Variants in SORCS1 observed in about 807,000 individuals in gnomAD.
SORCS1 encodes the protein VPS10 domain-containing receptor SorCS1.
Under a neutral mutation model 146.1 loss-of-function variants are expected in SORCS1, and 60 were observed. The observed-to-expected ratio is 0.41, with a 90% CI of 0.33 to 0.51. SORCS1 has a LOEUF of 0.51. SORCS1 is among the 20% of genes least tolerant of loss of function. The probability of loss-of-function intolerance (pLI) is 0.21; values close to 1 mark genes in which losing one functional copy is unlikely to be tolerated. For missense variants in SORCS1, 1,352 were observed against 1,487.6 expected, an observed-to-expected ratio of 0.91 and a Z score of 1.50; for synonymous variants, 637 against 584.0, an observed-to-expected ratio of 1.09 and a Z score of -1.31.
At chr10:106,850,529 C>G (rs1296364190) in intron 2 of SORCS1, among the ~76,000 whole-genome samples, 4 of 152,078 alleles carry the variant, frequency 2.6e-5, no homozygotes, top group Non-Finnish European at 4.4e-5. Flanking sequence ...GATGGAAATG[C>G]AGAAATCACC....
intron 3 of SORCS1, among the ~76,000 whole-genome samples, chr10:106,809,311 G>A (rs1396929642): frequency 6.6e-6 from 1 of 152,098 alleles, no homozygotes; most frequent in African/African-American, 2.4e-5. Flanking sequence ...CTTGGCACAG[G>A]GACAGAAGAT....
intron 2 of SORCS1, among the ~76,000 whole-genome samples, chr10:106,872,016 A>G (rs1175811140): frequency 6.6e-6 from 1 of 152,264 alleles, no homozygotes; most frequent in Non-Finnish European, 1.5e-5. Context: ...AATGAAACAA[A>G]TAAAGAAAAT....
chr10:106,712,030 T>C (rs2135861700), intron 6 of SORCS1, among the ~76,000 whole-genome samples: 1 of 152,322 alleles, frequency 6.6e-6, no homozygotes, highest in Admixed American at 6.5e-5. Context: ...TCTTCCTGAG[T>C]CTTGCTGTTA....
intron 2 of SORCS1, among the ~76,000 whole-genome samples, chr10:106,840,861 ATAT>A (rs1386887031): frequency 0.029 from 3,551 of 121,638 alleles, 95 homozygotes; most frequent in East Asian, 0.1. Flanking sequence ...ATATATATAT[ATAT>A]TTTTTTTTTT....
intron 1 of SORCS1, among the ~76,000 whole-genome samples, chr10:106,979,036 T>C (rs1310097423): frequency 6.6e-6 from 1 of 152,114 alleles, no homozygotes; most frequent in East Asian, 1.9e-4. Context: ...AGAGAAGACA[T>C]TTAAGAGTCT....
intron 1 of SORCS1, among the ~76,000 whole-genome samples, chr10:107,084,188 T>G (rs1963579497): frequency 7.0e-6 from 1 of 142,350 alleles, no homozygotes; most frequent in African/African-American, 2.6e-5. Context: ...CTCTGCCTCC[T>G]GGGTTCACGC....
intron 1 of SORCS1, among the ~76,000 whole-genome samples, chr10:107,124,878 T>A (rs1306384004): frequency 6.6e-6 from 1 of 151,902 alleles, no homozygotes; most frequent in South Asian, 2.1e-4. Context: ...GTCAGCAAAA[T>A]GCAATTGTGG....
chr10:106,684,163 C>G (rs571750937), intron 10 of SORCS1, among the ~76,000 whole-genome samples: 1 of 152,148 alleles, frequency 6.6e-6, no homozygotes, highest in South Asian at 2.1e-4. Context: ...CATGGTGAAA[C>G]CCTGTCTCTA....
chr10:107,067,247 A>T (rs141885558), intron 1 of SORCS1, among the ~76,000 whole-genome samples: 11 of 151,750 alleles, frequency 7.2e-5, no homozygotes, highest in African/African-American at 1.5e-4. Flanking sequence ...GTTTCCCTGG[A>T]TTCAAATCCA....
intron 5 of SORCS1, among the ~76,000 whole-genome samples, chr10:106,740,150 A>G (rs1274977325): frequency 1.3e-5 from 2 of 152,192 alleles, no homozygotes; most frequent in African/African-American, 4.8e-5. Context: ...GAAATGCAGT[A>G]CAGTACTTAC....
intron 5 of SORCS1, among the ~76,000 whole-genome samples, chr10:106,740,908 C>G (rs1389479347): frequency 2.6e-5 from 4 of 152,206 alleles, no homozygotes; most frequent in Non-Finnish European, 5.9e-5. Flanking sequence ...AGACTGGAAC[C>G]TAGGCATTCT....
At chr10:106,816,712 C>A (rs1457352854) in intron 3 of SORCS1, among the ~76,000 whole-genome samples, 1 of 151,952 alleles carries the variant, frequency 6.6e-6, no homozygotes, top group Non-Finnish European at 1.5e-5. Flanking sequence ...TTAAAGAAAG[C>A]ATACATTTTC....
intron 2 of SORCS1, among the ~76,000 whole-genome samples, chr10:106,879,288 T>G (rs1017024926): frequency 6.6e-6 from 1 of 152,248 alleles, no homozygotes; most frequent in Non-Finnish European, 1.5e-5. Flanking sequence ...TTCACAGCTC[T>G]TCTGACAACT....
chr10:106,702,650 G>T (rs971917117), intron 8 of SORCS1, among the ~76,000 whole-genome samples: 14 of 152,166 alleles, frequency 9.2e-5, no homozygotes, highest in South Asian at 2.1e-4. Flanking sequence ...TAATTATGTT[G>T]TACAGCCATT....
the SORCS1 span, among the ~76,000 whole-genome samples, chr10:107,175,211 T>C: frequency 6.6e-6 from 1 of 152,172 alleles, no homozygotes; most frequent in Admixed American, 6.5e-5. Flanking sequence ...GTCTTTTAAT[T>C]CCCTTTTGTA....
chr10:106,659,403 A>G (rs991201523), intron 17 of SORCS1, among the ~76,000 whole-genome samples: 2 of 152,354 alleles, frequency 1.3e-5, no homozygotes, highest in Admixed American at 6.5e-5. Context: ...TAAATCACTT[A>G]ATATCGAGAA....
chr10:107,029,274 G>T (rs1426671381), intron 1 of SORCS1, among the ~76,000 whole-genome samples: 1 of 152,144 alleles, frequency 6.6e-6, no homozygotes, highest in Non-Finnish European at 1.5e-5. Context: ...ACACTGGGAG[G>T]ATACCATAAA....
At position 106,691,160 on chromosome 10, in the gene SORCS1, T is replaced by C. The variant is rs577391568; in HGVS notation, c.1414-2822A>G. ...TTTCTAGATAACCTCTCTGTATCCA[T>C]ACTGCATGCATATTTATGGAATAGA... On this transcript the variant is annotated intron_variant, in intron 9 of 25. Coordinates refer to ENST00000263054, the MANE Select transcript of SORCS1 (RefSeq NM_052918.5). 1.7e-4 allele frequency among the ~76,000 whole-genome samples: 26 copies of C among 152,310 alleles called. No individual in the cohort carries two copies. The South Asian group carries it at 5.2e-3, about 30-fold the overall frequency.
intron 22 of SORCS1, among the ~76,000 whole-genome samples, chr10:106,610,422 TG>T (rs1401650886): frequency 6.6e-6 from 1 of 152,036 alleles, no homozygotes; most frequent in Admixed American, 6.6e-5. Context: ...TAAGCTTATT[TG>T]GGGGATTAAA....
Sources: allele counts gnomAD v4.1 joint callset (sites outside exome capture counted in the v4.1 genomes callset), GRCh38; gene constraint gnomAD v4.1.1; transcripts MANE v1.5; gene names NCBI Gene and HGNC (gene_info 2026-07-23, HGNC 2026-07-21).